Variants in STMND1 observed in about 807,000 individuals in gnomAD.
STMND1 encodes stathmin domain containing 1, also known as stathmin domain-containing protein 1.
Under a neutral mutation model 23.0 loss-of-function variants are expected in STMND1, and 17 were observed. That is an observed-to-expected ratio of 0.74 (90% CI 0.51 to 1.11). The LOEUF is 1.11. STMND1 is among the 50% of genes least tolerant of loss of function. The probability of loss-of-function intolerance (pLI) is 0.00; values close to 1 mark genes in which losing one functional copy is unlikely to be tolerated. For synonymous variants in STMND1, 114 were observed against 119.9 expected (o/e 0.95, Z 0.32); for missense variants, 305 against 329.1 (o/e 0.93, Z 0.57).
intron 1 of STMND1, among the ~76,000 whole-genome samples, chr6:17,111,515 A>G (rs1229820183): frequency 6.6e-6 from 1 of 152,166 alleles, no homozygotes; most frequent in Non-Finnish European, 1.5e-5. Context: ...ACATTGTGGC[A>G]TAGTTACATA....
At chr6:17,119,323 G>C (rs1761198752) in intron 2 of STMND1, among the ~76,000 whole-genome samples, 1 of 152,112 alleles carries the variant, frequency 6.6e-6, no homozygotes, top group Admixed American at 6.6e-5. Context: ...AGAGGCATCT[G>C]ATTAGTGTGT....
At chr6:17,123,709 T>C (rs1046473715) in intron 3 of STMND1, among the ~76,000 whole-genome samples, 4 of 152,224 alleles carry the variant, frequency 2.6e-5, no homozygotes, top group African/African-American at 4.8e-5. Context: ...TTTGAAATCA[T>C]TCTTGATTCC....
rs1438609217 is a variant in STMND1, at chr6:17,130,611, A to G, written c.561A>G (p.Ile187Met). The G allele has an allele frequency of 6.6e-7, 1 of 1,512,860 alleles. No homozygotes were observed. The highest frequency in any genetic ancestry group is 2.2e-5 in the Admixed American group (1 of 45,334). 93.7% of individuals were successfully genotyped at this position (1,512,860 alleles called of 1,614,324 possible). A position where few individuals can be genotyped will look rare whatever the true frequency, so the allele number is the denominator to read the frequency against. ...EERRKTKEEE[I>M]RKRLRSDRLL... Reference sequence around the variant, plus strand: ...CATTTCAGACTAAAGAAGAAGAAATAAGAAAAAGGCTACGGAGTGACCGAC... The same window carrying G: ...CATTTCAGACTAAAGAAGAAGAAATGAGAAAAAGGCTACGGAGTGACCGAC... Residue 187 changes from isoleucine to methionine, a missense_variant, in exon 5 of 5, where the codon ATA becomes ATG. Physicochemically the swap from Ile to Met is conservative, Grantham distance 10. Transcript: ENST00000536551.
rs187875309 is a variant in STMND1, at chr6:17,105,147, C to A, written c.81+2809C>A. On this transcript the variant is annotated intron_variant, in intron 1 of 4. Transcript: ENST00000536551. ...CATAGATTATATGCAAATACTACAC[C>A]ATTTTCTATAAAGGACTTGAACATC... Among the ~76,000 whole-genome samples the A allele has an allele frequency of 6.8e-3, 1,037 of 152,204 alleles. 11 individuals carry two copies. The highest frequency in any genetic ancestry group is 0.024 in the African/African-American group (988 of 41,522).
rs1761377122 is a variant in STMND1 at position 17,130,593 on chromosome 6, G to A, written c.544-1G>A. The A allele has an allele frequency of 6.6e-7, 1 of 1,506,028 alleles. No homozygotes were observed. Among genetic ancestry groups the A allele is most frequent in the African/African-American group, 1.4e-5 (1 of 71,480 alleles). 93.3% of individuals were successfully genotyped at this position (1,506,028 alleles called of 1,614,324 possible). On this transcript the variant is annotated splice_acceptor_variant, in intron 4 of 4. Transcript: ENST00000536551. LOFTEE classifies it high-confidence loss of function. ...TTTCATTCTTTAATACTGCATTTCA[G>A]ACTAAAGAAGAAGAAATAAGAAAAA...
Position 17,120,776 on chromosome 6 carries a change from T to A in STMND1, c.411+18T>A. The stretch of plus-strand genomic sequence containing the variant: ...ATGTCACGGCAAGTAATTTTGTAAT[T>A]AACATTAGCTTATAGTTAAAATTAG... On this transcript the variant is annotated intron_variant, in intron 3 of 4. Coordinates refer to ENST00000536551, the MANE Select transcript of STMND1 (RefSeq NM_001190766.2). 1 of 1,503,746 alleles carries A rather than the reference T, an allele frequency of 6.7e-7. No homozygotes were observed. The highest frequency in any genetic ancestry group is 8.9e-7 in the Non-Finnish European group (1 of 1,128,462). 93.2% of individuals were successfully genotyped at this position (1,503,746 alleles called of 1,614,324 possible).
intron 3 of STMND1, among the ~76,000 whole-genome samples, chr6:17,125,334 A>T (rs948073101): frequency 6.6e-6 from 1 of 152,212 alleles, no homozygotes; most frequent in Non-Finnish European, 1.5e-5. Context: ...GTATATGGAT[A>T]GGTATAGACC....
At chr6:17,102,392 G>A in intron 1 of STMND1, 54 bp downstream of exon 1, 5 of 1,532,212 alleles carry the variant, frequency 3.3e-6, no homozygotes, top group Middle Eastern at 1.7e-4. Context: ...CCTTTTGCCT[G>A]GGAGGTCTCG....
chr6:17,117,707 G>C (rs1345099301), intron 2 of STMND1, among the ~76,000 whole-genome samples: 1 of 80,876 alleles, frequency 1.2e-5, no homozygotes, highest in Non-Finnish European at 2.2e-5. Flanking sequence ...ACAGAGTCTT[G>C]TTCTGTCACC....
At chr6:17,122,424 C>T (rs1761246802) in intron 3 of STMND1, among the ~76,000 whole-genome samples, 1 of 151,914 alleles carries the variant, frequency 6.6e-6, no homozygotes, top group Admixed American at 6.6e-5. Flanking sequence ...CCAGAAATTA[C>T]CCCAAAGGCT....
intron 1 of STMND1, among the ~76,000 whole-genome samples, chr6:17,109,096 G>A (rs1360265130): frequency 3.3e-5 from 5 of 152,144 alleles, no homozygotes; most frequent in Non-Finnish European, 5.9e-5. Flanking sequence ...GGACAAGATG[G>A]GCAGTAACTG....
chr6:17,117,727 T>C (rs897336942), intron 2 of STMND1, among the ~76,000 whole-genome samples: 2 of 133,302 alleles, frequency 1.5e-5, no homozygotes, highest in East Asian at 4.6e-4. Flanking sequence ...CCAAGCTGGA[T>C]TGCAGTGGTG....
chr6:17,126,064 ATATATATTTTTTTTTTTTTTT>A (rs1761297493), intron 3 of STMND1, among the ~76,000 whole-genome samples: 1 of 23,726 alleles, frequency 4.2e-5, no homozygotes, highest in African/African-American at 1.9e-4. Flanking sequence ...ATATATATAT[ATATATATTTTTTTTTTTTTTT>A]TTTTTTTTTT....
chr6:17,129,969 C>T (rs1356157601), intron 4 of STMND1, among the ~76,000 whole-genome samples: 1 of 152,156 alleles, frequency 6.6e-6, no homozygotes, highest in African/African-American at 2.4e-5. Flanking sequence ...TTACAGACAT[C>T]AGCCTCTGTG....
At chr6:17,104,651 CT>C (rs1279653393) in intron 1 of STMND1, among the ~76,000 whole-genome samples, 1 of 152,160 alleles carries the variant, frequency 6.6e-6, no homozygotes, top group East Asian at 1.9e-4. Flanking sequence ...CCTGCTACAC[CT>C]GACCTCCTCC....
At chr6:17,122,796 A>C (rs142219910) in intron 3 of STMND1, among the ~76,000 whole-genome samples, 9 of 152,244 alleles carry the variant, frequency 5.9e-5, no homozygotes, top group Admixed American at 1.3e-4. Flanking sequence ...ACATAATGAC[A>C]ATTTACATTT....
At chr6:17,120,200 A>G (rs2113487195) in intron 2 of STMND1, among the ~76,000 whole-genome samples, 1 of 152,344 alleles carries the variant, frequency 6.6e-6, no homozygotes, top group African/African-American at 2.4e-5. Flanking sequence ...TCCTTTGTAT[A>G]CAAAGCATGG....
In STMND1 at chr6:17,102,193, G is replaced by T. The variant is rs1365113316; in HGVS notation, c.-65G>T. 15 of 1,454,266 alleles carry T rather than the reference G, an allele frequency of 1.0e-5. No individual in the cohort carries two copies. Among genetic ancestry groups the T allele is most frequent in the Non-Finnish European group, 1.4e-5 (15 of 1,108,998 alleles). 90.1% of individuals were successfully genotyped at this position (1,454,266 alleles called of 1,614,324 possible). A position where few individuals can be genotyped will look rare whatever the true frequency, so the allele number is the denominator to read the frequency against. ...CGCGGGACCACCGGCGCCGGAGCGC[G>T]GCAGGGAGCGCTCGCGGGGGCGCAC... On this transcript the variant is annotated 5_prime_UTR_variant, in exon 1 of 5. Coordinates refer to ENST00000536551, the MANE Select transcript of STMND1 (RefSeq NM_001190766.2).
intron 3 of STMND1, among the ~76,000 whole-genome samples, chr6:17,122,907 A>T (rs1761251319): frequency 1.3e-5 from 2 of 151,992 alleles, no homozygotes; most frequent in African/African-American, 4.8e-5. Flanking sequence ...GAGAGGAAAG[A>T]TTTTTTTCTA....
Sources: gnomAD v4.1 joint callset for allele counts (sites outside exome capture counted in the v4.1 genomes callset) on GRCh38, gnomAD v4.1.1 for gene constraint, MANE v1.5 for transcripts, NCBI Gene and HGNC (gene_info 2026-07-23, HGNC 2026-07-21) for gene names.